The following IGSF11 variants were observed in gnomAD, a reference collection of about 807,000 sequenced individuals.
IGSF11 encodes immunoglobulin superfamily member 11, also known as CXADR like 1.
IGSF11 carries 22 observed loss-of-function variants against 41.0 expected under a neutral mutation model. The observed-to-expected ratio is 0.54, with a 90% CI of 0.38 to 0.77. The LOEUF (loss-of-function observed/expected upper bound fraction) is 0.77, where lower values mean the gene tolerates loss of function less well. Among genes scored for constraint, IGSF11 ranks in the 30% least tolerant of loss-of-function variants. The pLI, the probability that IGSF11 is intolerant of heterozygous loss-of-function variation, is 0.00. For missense variants in IGSF11, 444 were observed against 530.8 expected (o/e 0.84, Z 1.61); for synonymous variants, 219 against 201.3 (o/e 1.09, Z -0.74).
intron 1 of IGSF11, among the ~76,000 whole-genome samples, chr3:119,064,025 C>G (rs77451698): frequency 0.012 from 1,891 of 152,200 alleles, 35 homozygotes; most frequent in East Asian, 0.081. Context: ...CCAGAAAGTG[C>G]AGAGTAGCGT....
In IGSF11 at chr3:118,904,766, C is replaced by G; in HGVS notation, c.736G>C (p.Ala246Pro). The change falls in exon 6 of 7, where the codon GCC (alanine) becomes CCC (proline). Residue 246 changes from alanine to proline, a missense_variant. Physicochemically the swap from Ala to Pro is conservative, Grantham distance 27 (BLOSUM62 -1). Coordinates refer to ENST00000393775, the MANE Select transcript of IGSF11 (RefSeq NM_001015887.3). ...QPRNIGLIAG[A>P]IGTGAVIIIF... Reference sequence around the variant, plus strand: ...ATAATAACTGCACCAGTGCCAATGGCTCCAGCTATTAGTCCAATGTTCCTG... The same window carrying G: ...ATAATAACTGCACCAGTGCCAATGGGTCCAGCTATTAGTCCAATGTTCCTG... 1 of 1,613,046 alleles carries G rather than the reference C, an allele frequency of 6.2e-7. No individual in the cohort carries two copies. Among genetic ancestry groups the G allele is most frequent in the South Asian group, 1.1e-5 (1 of 90,736 alleles).
At chr3:119,075,425 T>A (rs1011953969) in intron 1 of IGSF11, among the ~76,000 whole-genome samples, 2 of 152,168 alleles carry the variant, frequency 1.3e-5, no homozygotes, top group African/African-American at 4.8e-5. Flanking sequence ...CCAATCCTAC[T>A]GAAACTATTC....
intron 1 of IGSF11, among the ~76,000 whole-genome samples, chr3:119,003,966 T>C (rs1413749571): frequency 3.3e-5 from 5 of 151,552 alleles, no homozygotes; most frequent in Non-Finnish European, 7.4e-5. Context: ...ATCAGAATGA[T>C]GTTGGCCTCA....
chr3:118,906,588 T>C (rs1246659172), intron 4 of IGSF11, among the ~76,000 whole-genome samples: 1 of 152,200 alleles, frequency 6.6e-6, no homozygotes, highest in Non-Finnish European at 1.5e-5. Context: ...GGAAGCAGCA[T>C]GGCTTTCAGT....
chr3:119,112,086 C>G (rs992734590), intron 1 of IGSF11, among the ~76,000 whole-genome samples: 7 of 152,216 alleles, frequency 4.6e-5, no homozygotes, highest in African/African-American at 1.7e-4. Context: ...TCTCAGATCT[C>G]AAGCTGCGTA....
At chr3:119,062,925 C>T (rs1374228390) in intron 1 of IGSF11, among the ~76,000 whole-genome samples, 2 of 152,106 alleles carry the variant, frequency 1.3e-5, no homozygotes, top group African/African-American at 4.8e-5. Flanking sequence ...AGCCTCCACT[C>T]CCTTTAACTC....
chr3:119,080,421 C>A (rs2107480012), intron 1 of IGSF11, among the ~76,000 whole-genome samples: 1 of 152,272 alleles, frequency 6.6e-6, no homozygotes, highest in Middle Eastern at 3.4e-3. Flanking sequence ...TTGTACCAAT[C>A]AATATGACAG....
chr3:118,976,526 C>G (rs1263025360), intron 1 of IGSF11, among the ~76,000 whole-genome samples: 2 of 152,178 alleles, frequency 1.3e-5, no homozygotes, highest in East Asian at 3.8e-4. Flanking sequence ...CTGCCATGAT[C>G]TGGGGTTCCA....
rs564246004 is a variant in IGSF11 at position 119,044,527 on chromosome 3, G to A, written c.49+60617C>T. ...GGAAAACTTCCCTGGTCTTGCTAGA[G>A]ATCCAGATATTCAAATATAAGATGC... On this transcript the variant is annotated intron_variant, in intron 1 of 6. Coordinates refer to the IGSF11 transcript ENST00000354673. 4.6e-5 allele frequency among the ~76,000 whole-genome samples: 7 copies of A among 152,262 alleles called. No individual in the cohort carries two copies. The South Asian group carries it at 8.3e-4, about 18-fold the overall frequency.
intron 1 of IGSF11, among the ~76,000 whole-genome samples, chr3:119,118,102 T>C: frequency 6.6e-6 from 1 of 152,180 alleles, no homozygotes; most frequent in East Asian, 1.9e-4. Flanking sequence ...TGTTGGTGGA[T>C]CTAGCATTCT....
intron 1 of IGSF11, among the ~76,000 whole-genome samples, chr3:119,078,543 T>C (rs111874073): frequency 6.2e-4 from 94 of 152,296 alleles, no homozygotes; most frequent in African/African-American, 2.2e-3. Flanking sequence ...ATGCATTCCT[T>C]TCACCATTTA....
chr3:119,077,281 G>A (rs900195454), intron 1 of IGSF11, among the ~76,000 whole-genome samples: 1 of 152,012 alleles, frequency 6.6e-6, no homozygotes, highest in Non-Finnish European at 1.5e-5. Context: ...GGTGGGGGAA[G>A]GGGGGAGGGA....
At chr3:119,016,973 A>G (rs1435664) in intron 1 of IGSF11, among the ~76,000 whole-genome samples, 61,397 of 150,724 alleles carry the variant, frequency 0.41, 15,663 homozygotes, top group African/African-American at 0.73. Flanking sequence ...AAACAAATAG[A>G]TAAGTACATA....
chr3:119,137,910 C>A (rs1008261094), intron 1 of IGSF11, among the ~76,000 whole-genome samples: 1 of 152,118 alleles, frequency 6.6e-6, no homozygotes, highest in Non-Finnish European at 1.5e-5. Context: ...TCCAAATACA[C>A]ATTTCTCAAA....
At chr3:119,037,238 C>T (rs947501931), upstream of IGSF11, among the ~76,000 whole-genome samples, 26 of 152,106 alleles carry the variant, frequency 1.7e-4, no homozygotes, top group African/African-American at 6.0e-4. Context: ...AAGACAGAGA[C>T]AATATGTTAT....
intron 1 of IGSF11, among the ~76,000 whole-genome samples, chr3:119,011,008 G>C (rs755887280): frequency 2.0e-5 from 3 of 152,282 alleles, no homozygotes; most frequent in Middle Eastern, 3.4e-3. Flanking sequence ...AAAAGCACTT[G>C]AAGAAAAAAT....
At chr3:118,976,061 A>T (rs941850700) in intron 1 of IGSF11, among the ~76,000 whole-genome samples, 1 of 152,154 alleles carries the variant, frequency 6.6e-6, no homozygotes, top group African/African-American at 2.4e-5. Flanking sequence ...CATGAAACCG[A>T]TACATGAAAT....
At chr3:119,015,059 C>A (rs1938540930) in intron 1 of IGSF11, among the ~76,000 whole-genome samples, 1 of 151,958 alleles carries the variant, frequency 6.6e-6, no homozygotes, top group Non-Finnish European at 1.5e-5. Context: ...CTGAAGTATA[C>A]AAATAAGAGA....
At chr3:119,062,760 G>A (rs190763958) in intron 1 of IGSF11, among the ~76,000 whole-genome samples, 1 of 152,282 alleles carries the variant, frequency 6.6e-6, no homozygotes, top group Admixed American at 6.5e-5. Context: ...ACCAGGAACA[G>A]TGAACTGGCA....
Sources: gnomAD v4.1 joint callset for allele counts (sites outside exome capture counted in the v4.1 genomes callset) on GRCh38, gnomAD v4.1.1 for gene constraint, MANE v1.5 for transcripts, NCBI Gene and HGNC (gene_info 2026-07-23, HGNC 2026-07-21) for gene names.